Variants in TOGARAM1 observed in about 807,000 individuals in gnomAD.
TOGARAM1 encodes the protein TOG array regulator of axonemal microtubules protein 1.
In TOGARAM1, 100 loss-of-function variants were observed where a neutral mutation model predicts 166.6. The observed-to-expected ratio is 0.60, with a 90% CI of 0.51 to 0.71. The LOEUF is 0.71. Among genes scored for constraint, TOGARAM1 ranks in the 30% least tolerant of loss-of-function variants. TOGARAM1 has a pLI of 0.00. For synonymous variants in TOGARAM1, 758 were observed against 763.8 expected (o/e 0.99, Z 0.13); for missense variants, 2,029 against 2,102.7 (o/e 0.96, Z 0.69).
intron 16 of TOGARAM1, among the ~76,000 whole-genome samples, chr14:45,054,761 A>C (rs1882549751): frequency 6.6e-6 from 1 of 152,218 alleles, no homozygotes; most frequent in African/African-American, 2.4e-5. Context: ...GGACATTAGC[A>C]ATGCTTTAGT....
intron 1 of TOGARAM1, among the ~76,000 whole-genome samples, chr14:44,984,591 G>T (rs1183365144): frequency 2.0e-5 from 3 of 151,010 alleles, no homozygotes. Context: ...CAATATACGA[G>T]ACCCTGTCTC....
intron 7 of TOGARAM1, among the ~76,000 whole-genome samples, 190 bp downstream of exon 7, chr14:45,012,265 C>T (rs1236179558): frequency 6.6e-6 from 1 of 152,062 alleles, no homozygotes; most frequent in African/African-American, 2.4e-5. Flanking sequence ...TATTTATTTA[C>T]CTGAATCATC....
At chr14:45,064,602 C>G in intron 16 of TOGARAM1, among the ~76,000 whole-genome samples, 1 of 152,094 alleles carries the variant, frequency 6.6e-6, no homozygotes. Flanking sequence ...TCCCGAGTAC[C>G]TGGGACTACA....
In TOGARAM1 at chr14:44,963,950, A is replaced by G. The variant is rs914031049; in HGVS notation, c.1529A>G (p.Lys510Arg). 2 of 1,613,924 alleles carry G rather than the reference A, an allele frequency of 1.2e-6. No individual in the cohort carries two copies. Among genetic ancestry groups the G allele is most frequent in the African/African-American group, 2.7e-5 (2 of 74,888 alleles). Residue 510 changes from lysine (K) to arginine (R), a missense_variant, in exon 1 of 20, where the codon AAA becomes AGA. Coordinates refer to ENST00000361462, the MANE Select transcript of TOGARAM1 (RefSeq NM_001308120.2). ...TYPSEDFDLP[K>R]LSFDLAPALV... is the part of the protein sequence containing the mutation. ...CCTAGTGAGGATTTTGACTTGCCCA[A>G]ACTGTCCTTTGATCTTGCCCCAGCT...
intron 16 of TOGARAM1, among the ~76,000 whole-genome samples, chr14:45,056,357 TA>T: frequency 6.6e-6 from 1 of 152,326 alleles, no homozygotes; most frequent in East Asian, 1.9e-4. Flanking sequence ...GGGTGCCTTT[TA>T]TTTTTTTCTC....
At position 45,074,231 on chromosome 14, in the gene TOGARAM1, CT is replaced by C. The variant is rs1253417375; in HGVS notation, c.*671del. On this transcript the variant is annotated 3_prime_UTR_variant, in exon 20 of 20. Coordinates refer to ENST00000361462, the MANE Select transcript of TOGARAM1 (RefSeq NM_001308120.2). ...AAAAAACGTGTTGAATGTAACCCCC[CT>C]ATTTTTGTGTGCAAACACTAAATTT... The C allele has an allele frequency of 6.6e-6, 1 of 152,584 alleles. No homozygotes were observed. Among genetic ancestry groups the C allele is most frequent in the Admixed American group, 6.5e-5 (1 of 15,274 alleles). 9.5% of individuals were successfully genotyped at this position (152,584 alleles called of 1,614,324 possible).
At chr14:45,005,558 G>T (rs1290203409) in intron 4 of TOGARAM1, among the ~76,000 whole-genome samples, 1 of 152,164 alleles carries the variant, frequency 6.6e-6, no homozygotes, top group Non-Finnish European at 1.5e-5. Flanking sequence ...AGGTTGCAGT[G>T]AGCTGAGGTG....
At chr14:45,018,810 AAAAATGCTTTTCTTCTT>A (rs1880314323) in intron 7 of TOGARAM1, among the ~76,000 whole-genome samples, 2 of 152,236 alleles carry the variant, frequency 1.3e-5, no homozygotes, top group Non-Finnish European at 2.9e-5. Context: ...ATCAAGGACA[AAAAATGCTTTTCTTCTT>A]AAAAGTAACT....
At chr14:45,010,984 C>T (rs1488008875) in intron 6 of TOGARAM1, among the ~76,000 whole-genome samples, 3 of 152,208 alleles carry the variant, frequency 2.0e-5, no homozygotes, top group Non-Finnish European at 4.4e-5. Flanking sequence ...ATATTTCTCT[C>T]CATTTACTGA....
chr14:45,013,731 A>G (rs913479149), intron 7 of TOGARAM1, among the ~76,000 whole-genome samples: 3 of 152,184 alleles, frequency 2.0e-5, no homozygotes, highest in African/African-American at 7.2e-5. Flanking sequence ...AGAGTGACCC[A>G]AAGAAATACA....
At chr14:45,007,695 C>T (rs1327350169) in intron 5 of TOGARAM1, 1 of 152,082 alleles carries the variant, frequency 6.6e-6, no homozygotes, top group Non-Finnish European at 1.5e-5. Flanking sequence ...TTGAATGGGT[C>T]ACTGTTTATA....
At chr14:44,972,470 A>T (rs1256198724) in intron 1 of TOGARAM1, among the ~76,000 whole-genome samples, 1 of 152,108 alleles carries the variant, frequency 6.6e-6, no homozygotes, top group African/African-American at 2.4e-5. Flanking sequence ...TTGAGGGGTA[A>T]TTAAGTCTCC....
At chr14:45,014,519 A>G (rs1880003043) in intron 7 of TOGARAM1, among the ~76,000 whole-genome samples, 1 of 152,194 alleles carries the variant, frequency 6.6e-6, no homozygotes. Context: ...GATTTTATAT[A>G]TTTGGGTTTG....
intron 14 of TOGARAM1, among the ~76,000 whole-genome samples, chr14:45,051,928 G>C (rs967813096): frequency 6.6e-6 from 1 of 152,152 alleles, no homozygotes; most frequent in South Asian, 2.1e-4. Context: ...ATTATCATAA[G>C]CCAAAAGTGC....
chr14:44,977,231 CTTT>C (rs397707333), intron 1 of TOGARAM1, among the ~76,000 whole-genome samples: 3 of 123,320 alleles, frequency 2.4e-5, no homozygotes, highest in Admixed American at 8.4e-5. Context: ...ATTAGACAGA[CTTT>C]TTTTTTTTTT....
chr14:45,027,345 A>G lies in TOGARAM1; in HGVS notation c.3375A>G (p.Ser1125=). ...LSSAPATCSQ[S]VISSVENGDT... is the part of the protein sequence containing the mutation. Reference sequence around the variant, plus strand: ...CAGCACCAGCAACCTGCAGCCAATCAGTGATATCTTCTGTGGAAAATGGGG... The same window carrying G: ...CAGCACCAGCAACCTGCAGCCAATCGGTGATATCTTCTGTGGAAAATGGGG... Residue 1125 remains serine (S), a synonymous_variant, in exon 9 of 20, where the codon TCA becomes TCG. Transcript: ENST00000361462. 1.2e-6 allele frequency: 2 copies of G among 1,613,498 alleles called. No homozygotes were observed. Among genetic ancestry groups the G allele is most frequent in the Non-Finnish European group, 1.7e-6 (2 of 1,179,836 alleles).
At chr14:45,064,882 TA>T (rs139470339) in intron 16 of TOGARAM1, among the ~76,000 whole-genome samples, 2,846 of 152,168 alleles carry the variant, frequency 0.019, 31 homozygotes, top group African/African-American at 0.038. Context: ...GATTGAGAGG[TA>T]GGGGGTGTGA....
chr14:44,968,363 C>T (rs1330095885), intron 1 of TOGARAM1, among the ~76,000 whole-genome samples: 4 of 152,116 alleles, frequency 2.6e-5, no homozygotes, highest in Non-Finnish European at 4.4e-5. Context: ...GGGTTCACGC[C>T]GTTCTCCTGC....
Position 44,962,929 on chromosome 14 carries a change from G to T in TOGARAM1, c.508G>T (p.Gly170Cys). ...CGTTCTCCGGGGTCAGGGGGAGGCAGGCCAGCTTGAAGAGGCCTTTAGCTT... is the reference window on the plus strand; with the variant it reads ...CGTTCTCCGGGGTCAGGGGGAGGCATGCCAGCTTGAAGAGGCCTTTAGCTT... ...SDVLRGQGEAGQLEEAFSLAL... is the reference protein window; with the variant it reads ...SDVLRGQGEACQLEEAFSLAL... Residue 170 changes from glycine to cysteine, a missense_variant, in exon 1 of 20, where the codon GGC (glycine) becomes TGC (cysteine). By Grantham distance (159) the Gly-to-Cys change is radical (BLOSUM62 -3). Around this residue, in one of 2 missense-constraint regions of TOGARAM1, gnomAD observed 1,453 missense variants for 1,432.2 expected, o/e 1.01. Coordinates refer to ENST00000361462, the MANE Select transcript of TOGARAM1 (RefSeq NM_001308120.2). 6.2e-7 allele frequency: 1 copy of T among 1,614,232 alleles called. No homozygotes were observed.
Sources: gnomAD v4.1 joint callset for allele counts (sites outside exome capture counted in the v4.1 genomes callset) on GRCh38, gnomAD v4.1.1 for gene constraint, gnomAD v4.1.1 regional missense constraint, MANE v1.5 for transcripts, NCBI Gene and HGNC (gene_info 2026-07-23, HGNC 2026-07-21) for gene names.